The following OTC variants were observed in gnomAD, a reference collection of about 807,000 sequenced individuals.
OTC encodes the protein ornithine transcarbamylase, mitochondrial.
A neutral mutation model predicts 30.3 loss-of-function variants in OTC; 3 were observed. The observed-to-expected ratio is 0.10, with a 90% CI of 0.05 to 0.26. The LOEUF is 0.26. OTC is among the 10% of genes least tolerant of loss of function. The probability of loss-of-function intolerance (pLI) is 1.00; values close to 1 mark genes in which losing one functional copy is unlikely to be tolerated. For synonymous variants in OTC, 111 were observed against 99.7 expected, an observed-to-expected ratio of 1.11 and a Z score of -0.67; for missense variants, 194 against 260.3, an observed-to-expected ratio of 0.75 and a Z score of 1.75.
chrX:38,380,359 C>A (rs1273985027), intron 3 of OTC, among the ~76,000 whole-genome samples: 1 of 112,272 alleles, frequency 8.9e-6, no homozygotes, highest in Non-Finnish European at 1.9e-5. Flanking sequence ...AAATCAGGCA[C>A]ATCATAATAA....
chrX:38,386,386 A>AAT lies in OTC; in HGVS notation c.386+4972_386+4973dup, dbSNP rs1555974125. ...AGACTCCATCTCAAAAAAAAAAAAA[A>AAT]ATATATATATATATATGTAACTTAT... On this transcript the variant is annotated intron_variant, in intron 4 of 9. Transcript: ENST00000039007. Among the ~76,000 whole-genome samples, 813 of 88,922 alleles carry AAT rather than the reference A, an allele frequency of 9.1e-3. 5 individuals carry two copies. Among genetic ancestry groups the AAT allele is most frequent in the Middle Eastern group, 0.035 (6 of 172 alleles). The allele number at this position is 88,922 out of a possible 115,157, so 77.2% of individuals were successfully genotyped here. A position where few individuals can be genotyped will look rare whatever the true frequency, so the allele number is the denominator to read the frequency against.
intron 1 of OTC, among the ~76,000 whole-genome samples, chrX:38,365,027 C>G (rs2068288715): frequency 1.8e-5 from 2 of 112,380 alleles, no homozygotes. Context: ...GTGGAAACAA[C>G]AAATTGAGTG....
intron 4 of OTC, among the ~76,000 whole-genome samples, chrX:38,392,613 A>C (rs1288319154): frequency 8.9e-6 from 1 of 112,357 alleles, no homozygotes; most frequent in East Asian, 2.8e-4. Flanking sequence ...GTAGATACCA[A>C]TGTCATTCAC....
chrX:38,393,202 T>G (rs372165535), intron 4 of OTC, among the ~76,000 whole-genome samples: 31 of 112,195 alleles, frequency 2.8e-4, no homozygotes, highest in African/African-American at 8.7e-4. Context: ...ACTCAACCAT[T>G]TACACATTGA....
At chrX:38,394,791 C>T (rs1045131089) in intron 4 of OTC, among the ~76,000 whole-genome samples, 3 of 110,523 alleles carry the variant, frequency 2.7e-5, no homozygotes, top group African/African-American at 9.9e-5. Flanking sequence ...TTTAAAAGAC[C>T]GTGTTAATAA....
At chrX:38,383,271 C>T (rs753619732) in intron 4 of OTC, among the ~76,000 whole-genome samples, 2 of 111,607 alleles carry the variant, frequency 1.8e-5, no homozygotes, top group East Asian at 2.8e-4. Flanking sequence ...GATTGTCTGC[C>T]GTGGACCTCT....
In OTC at chrX:38,367,420, G is replaced by A; in HGVS notation, c.207G>A (p.Gln69=). ...LSADLKFRIK[Q]KGEYLPLLQG... is the part of the protein sequence containing the mutation. The stretch of plus-strand genomic sequence containing the variant: ...CAGATCTGAAATTTAGGATAAAACA[G>A]AAAGGAGAGGTATGTAACATTTTCT... Residue 69 remains glutamine, a synonymous_variant, in exon 2 of 10, where the codon CAG becomes CAA. Coordinates refer to ENST00000039007, the MANE Select transcript of OTC (RefSeq NM_000531.6). 1 of 1,202,233 alleles carries A rather than the reference G, an allele frequency of 8.3e-7. No individual in the cohort carries two copies. Among genetic ancestry groups the A allele is most frequent in the Non-Finnish European group, 1.1e-6 (1 of 887,595 alleles).
chrX:38,396,440 A>G (rs1359050199), intron 4 of OTC, among the ~76,000 whole-genome samples: 1 of 111,915 alleles, frequency 8.9e-6, no homozygotes, highest in Admixed American at 9.5e-5. Flanking sequence ...AATCATCAAA[A>G]GTTTTCATTT....
At chrX:38,350,325 A>G (rs972690018), upstream of OTC, among the ~76,000 whole-genome samples, 2 of 112,012 alleles carry the variant, frequency 1.8e-5, no homozygotes, top group Non-Finnish European at 3.8e-5. Flanking sequence ...AGCACAGAGG[A>G]TTGGCTTATG....
At chrX:38,393,982 C>CCT (rs1240674208) in intron 4 of OTC, among the ~76,000 whole-genome samples, 2 of 111,367 alleles carry the variant, frequency 1.8e-5, no homozygotes, top group Admixed American at 1.9e-4. Flanking sequence ...TAACCTCCTG[C>CCT]CTCTCTCTTA....
intron 3 of OTC, among the ~76,000 whole-genome samples, chrX:38,371,549 A>AT (rs761217196): frequency 1.8e-5 from 2 of 111,954 alleles, no homozygotes; most frequent in South Asian, 3.7e-4. Flanking sequence ...ATTACATGTG[A>AT]TTTTTACCTT....
intron 6 of OTC, among the ~76,000 whole-genome samples, chrX:38,404,476 T>A (rs1267822530): frequency 8.9e-6 from 1 of 112,140 alleles, no homozygotes; most frequent in South Asian, 3.7e-4. Flanking sequence ...AACAGGGATA[T>A]GTTCTGAGAA....
intron 6 of OTC, among the ~76,000 whole-genome samples, chrX:38,404,671 G>A (rs2068507335): frequency 8.9e-6 from 1 of 111,848 alleles, no homozygotes; most frequent in Admixed American, 9.5e-5. Context: ...GGGGATTTGT[G>A]TACAGGTGAT....
chrX:38,401,594 G>T (rs962109271), intron 5 of OTC, among the ~76,000 whole-genome samples, 166 bp downstream of exon 5: 2 of 112,194 alleles, frequency 1.8e-5, no homozygotes, highest in African/African-American at 3.2e-5. Context: ...ACAGGACATT[G>T]TTAAAAACAG....
chrX:38,412,989 A>G (rs964031054), intron 9 of OTC, among the ~76,000 whole-genome samples: 2 of 111,964 alleles, frequency 1.8e-5, no homozygotes, highest in African/African-American at 6.5e-5. Flanking sequence ...CAGCTGAAAT[A>G]GATTTCTCTA....
chrX:38,383,207 A>T (rs988569050), intron 4 of OTC, among the ~76,000 whole-genome samples: 2 of 111,650 alleles, frequency 1.8e-5, no homozygotes, highest in African/African-American at 6.5e-5. Context: ...CATATAATTC[A>T]TTTTGACCAT....
rs553996338 is a variant in OTC at position 38,368,414 on chromosome X, C to T, written c.216+985C>T. Among the ~76,000 whole-genome samples, 8 of 110,704 alleles carry T rather than the reference C, an allele frequency of 7.2e-5. 1 individual carries two copies. In the South Asian group the frequency reaches 2.7e-3, roughly 38 times the overall value. ...AAGTGACAAATTTTAATTTTGGATG[C>T]ATATCAGATATAGAATCATTAGGAT... On this transcript the variant is annotated intron_variant, in intron 2 of 9. Coordinates refer to ENST00000039007, the MANE Select transcript of OTC (RefSeq NM_000531.6).
chrX:38,405,862 T>C (rs2068513753), intron 6 of OTC, among the ~76,000 whole-genome samples: 1 of 112,315 alleles, frequency 8.9e-6, no homozygotes, highest in Non-Finnish European at 1.9e-5. Flanking sequence ...TCTGTATTAA[T>C]GCAAACTCTT....
the OTC span, among the ~76,000 whole-genome samples, chrX:38,327,858 G>T: frequency 2.7e-5 from 3 of 113,131 alleles, no homozygotes; most frequent in African/African-American, 9.6e-5. Context: ...ATAGTGACCA[G>T]CTGGAACATT....
Sources: gnomAD v4.1 joint callset for allele counts (sites outside exome capture counted in the v4.1 genomes callset) on GRCh38, gnomAD v4.1.1 for gene constraint, MANE v1.5 for transcripts, NCBI Gene and HGNC (gene_info 2026-07-23, HGNC 2026-07-21) for gene names.